The following ZNF184 variants were observed in gnomAD, a reference collection of about 807,000 sequenced individuals.
ZNF184 encodes zinc finger protein 184.
Under a neutral mutation model 54.4 loss-of-function variants are expected in ZNF184, and 16 were observed. The ratio of observed to expected loss-of-function variants is 0.29; its 90% confidence interval spans 0.20 to 0.45. ZNF184 has a LOEUF of 0.45. Among genes scored for constraint, ZNF184 ranks in the 20% least tolerant of loss-of-function variants. The pLI is 1.00. For synonymous variants in ZNF184, 254 were observed against 295.3 expected (o/e 0.86, Z 1.43); for missense variants, 681 against 888.2 (o/e 0.77, Z 2.97).
chr6:27,415,028 A>C, the ZNF184 span, among the ~76,000 whole-genome samples: 1 of 152,204 alleles, frequency 6.6e-6, no homozygotes, highest in Non-Finnish European at 1.5e-5. Flanking sequence ...TTCCTACCTC[A>C]CAGGGATATT....
At chr6:27,432,963 C>G in the ZNF184 span, among the ~76,000 whole-genome samples, 2 of 152,174 alleles carry the variant, frequency 1.3e-5, no homozygotes, top group Non-Finnish European at 2.9e-5. This position sits in a 1 kb window ranked among gnomAD's most constrained non-coding sequence, Gnocchi z 4.0. Flanking sequence ...GAGAGACAAC[C>G]TGTGAATCTT....
At position 27,451,432 on chromosome 6, in the gene ZNF184, C is replaced by G. The variant is rs200760299; in HGVS notation, c.2127G>C (p.Gln709His). 1.9e-6 allele frequency: 3 copies of G among 1,614,126 alleles called. No homozygotes were observed. Among genetic ancestry groups the G allele is most frequent in the Non-Finnish European group, 2.5e-6 (3 of 1,179,994 alleles). Residue 709 changes from glutamine to histidine, a missense_variant, in exon 6 of 6, where the codon CAG (glutamine) becomes CAC (histidine). Transcript: ENST00000683788. ...TCTGGTGCTGAATGAGATATGTGCT[C>G]TGGCTAAAAGTCTTTCTGCATTCAT... ...NCNECRKTFS[Q>H]STYLIQHQRI...
At position 27,452,299 on chromosome 6, in the gene ZNF184, G is replaced by A; in HGVS notation, c.1260C>T (p.Cys420=). The A allele has an allele frequency of 6.2e-7, 1 of 1,613,860 alleles. No individual in the cohort carries two copies. Among genetic ancestry groups the A allele is most frequent in the Non-Finnish European group, 8.5e-7 (1 of 1,179,954 alleles). The change falls in exon 6 of 6, where the codon TGC becomes TGT. Residue 420 remains cysteine (C), a synonymous_variant. Transcript: ENST00000683788. The surrounding 1 kb of genome is among the most constrained non-coding windows in gnomAD (Gnocchi z 5.5). ...GGCTGAAGGCTTTCCCACATTCATT[G>A]CATTCGTACGGTTTTTCACCAGTAT... ...MIHTGEKPYE[C]NECGKAFSQH...
the ZNF184 span, among the ~76,000 whole-genome samples, chr6:27,427,625 AC>A: frequency 6.6e-6 from 1 of 152,212 alleles, no homozygotes. Context: ...ACATCTCTGC[AC>A]AGGGCCTTCC....
chr6:27,415,120 T>C, the ZNF184 span, among the ~76,000 whole-genome samples: 7 of 152,190 alleles, frequency 4.6e-5, no homozygotes, highest in Non-Finnish European at 8.8e-5. Flanking sequence ...CTGGTTGTAA[T>C]CTCAGGCTAT....
chr6:27,433,882 CCCTT>C, the ZNF184 span, among the ~76,000 whole-genome samples: 10,534 of 142,672 alleles, frequency 0.074, 437 homozygotes, highest in Middle Eastern at 0.18. Context: ...TCCTTCCTTC[CCCTT>C]CCTTCCTTCC....
intron 5 of ZNF184, among the ~76,000 whole-genome samples, chr6:27,454,683 T>G (rs530643279): frequency 6.6e-6 from 1 of 152,180 alleles, no homozygotes. Flanking sequence ...TTATCTATAT[T>G]GTCATGTCCT....
the ZNF184 span, among the ~76,000 whole-genome samples, chr6:27,439,156 A>G: frequency 6.6e-6 from 1 of 152,132 alleles, no homozygotes; most frequent in African/African-American, 2.4e-5. Context: ...ATTCATAAGT[A>G]CTTTAAATTT....
At chr6:27,405,652 G>A in the ZNF184 span, 1 of 152,244 alleles carries the variant, frequency 6.6e-6, no homozygotes, top group African/African-American at 2.4e-5. Context: ...CGCTAAAGTG[G>A]ATGTCTGTGC....
chr6:27,440,152 G>A, the ZNF184 span, among the ~76,000 whole-genome samples: 8 of 152,226 alleles, frequency 5.3e-5, no homozygotes, highest in South Asian at 4.1e-4. Context: ...TTGGTAAATC[G>A]ATAAAGTGGA....
At position 27,452,810 on chromosome 6, in the gene ZNF184, T is replaced by A. The variant is rs769797986; in HGVS notation, c.749A>T (p.Tyr250Phe). The stretch of plus-strand genomic sequence containing the variant: ...GGCTTTTTCACATTCATTACATTTG[T>A]AGGGTTTTTCTCCAGTATGTGTTCT... ...HQRTHTGEKP[Y>F]KCNECEKAFS... The change falls in exon 6 of 6, where the codon TAC becomes TTC. Residue 250 changes from tyrosine (Y) to phenylalanine (F), a missense_variant. Physicochemically the swap from Tyr to Phe is conservative, Grantham distance 22 (BLOSUM62 3). Coordinates refer to ENST00000683788, the MANE Select transcript of ZNF184 (RefSeq NM_001318891.2). This position sits in a 1 kb window ranked among gnomAD's most constrained non-coding sequence, Gnocchi z 5.5. 2 of 1,613,484 alleles carry A rather than the reference T, an allele frequency of 1.2e-6. No homozygotes were observed. Among genetic ancestry groups the A allele is most frequent in the Non-Finnish European group, 1.7e-6 (2 of 1,179,886 alleles).
chr6:27,451,039 A>C lies in ZNF184; in HGVS notation c.*264T>G. 2.8e-6 allele frequency: 1 copy of C among 358,720 alleles called. No individual in the cohort carries two copies. The highest frequency in any genetic ancestry group is 5.0e-6 in the Non-Finnish European group (1 of 200,556). 22.2% of individuals were successfully genotyped at this position (358,720 alleles called of 1,614,324 possible). A position where few individuals can be genotyped will look rare whatever the true frequency, so the allele number is the denominator to read the frequency against. On this transcript the variant is annotated 3_prime_UTR_variant, in exon 6 of 6. Coordinates refer to ENST00000683788, the MANE Select transcript of ZNF184 (RefSeq NM_001318891.2). ...TATACAAAACTGATTATAAAACTCCAAACTACCTTTGAAATAATCTACTCC... is the reference window on the plus strand; with the variant it reads ...TATACAAAACTGATTATAAAACTCCCAACTACCTTTGAAATAATCTACTCC...
At chr6:27,445,563 T>A in the ZNF184 span, among the ~76,000 whole-genome samples, 1 of 152,148 alleles carries the variant, frequency 6.6e-6, no homozygotes, top group Non-Finnish European at 1.5e-5. Flanking sequence ...GCTCTTGCCC[T>A]CCCTTGCCAC....
chr6:27,468,388 T>A (rs1581589725), intron 2 of ZNF184, among the ~76,000 whole-genome samples: 1 of 152,174 alleles, frequency 6.6e-6, no homozygotes, highest in Non-Finnish European at 1.5e-5. Flanking sequence ...CAATACTAAT[T>A]GCTGGCAAGA....
At chr6:27,445,458 T>C in the ZNF184 span, among the ~76,000 whole-genome samples, 2 of 146,448 alleles carry the variant, frequency 1.4e-5, no homozygotes, top group African/African-American at 4.9e-5. Flanking sequence ...GGTGATTAGG[T>C]TATTAGGGAT....
the ZNF184 span, among the ~76,000 whole-genome samples, chr6:27,444,702 C>G: frequency 6.6e-6 from 1 of 152,190 alleles, no homozygotes; most frequent in Non-Finnish European, 1.5e-5. Flanking sequence ...CTCTCTTCAT[C>G]TTATTAAACC....
In ZNF184 at chr6:27,451,310, C is replaced by A; in HGVS notation, c.2249G>T (p.Gly750Val). 1 of 1,586,676 alleles carries A rather than the reference C, an allele frequency of 6.3e-7. No homozygotes were observed. The highest frequency in any genetic ancestry group is 8.6e-7 in the Non-Finnish European group (1 of 1,166,968). Residue 750 changes from glycine to valine, a missense_variant, in exon 6 of 6, where the codon GGC becomes GTC. By Grantham distance (109) the Gly-to-Val change is moderately radical. Transcript: ENST00000683788. ...ALNKHQRLHP[G>V]I ...ATGATGTTCCTAGAATTGTCATATG[C>A]CAGGATGCAGTCTCTGATGTTTGTT...
the ZNF184 span, among the ~76,000 whole-genome samples, chr6:27,437,404 A>T: frequency 6.6e-6 from 1 of 152,216 alleles, no homozygotes; most frequent in African/African-American, 2.4e-5. Flanking sequence ...AATAGCCAGC[A>T]AGAAAATGGG....
the ZNF184 span, among the ~76,000 whole-genome samples, chr6:27,432,362 T>G: frequency 6.6e-6 from 1 of 152,220 alleles, no homozygotes; most frequent in Non-Finnish European, 1.5e-5. This position sits in a 1 kb window ranked among gnomAD's most constrained non-coding sequence, Gnocchi z 4.0. Flanking sequence ...ACATCCTGTT[T>G]GATATTTATA....
Sources: allele counts gnomAD v4.1 joint callset (sites outside exome capture counted in the v4.1 genomes callset), GRCh38; gene constraint gnomAD v4.1.1; non-coding constraint Gnocchi (gnomAD v3.1); transcripts MANE v1.5; gene names NCBI Gene and HGNC (gene_info 2026-07-23, HGNC 2026-07-21).